The following PSMB7 variants were observed in gnomAD, a reference collection of about 807,000 sequenced individuals.
The protein encoded by PSMB7 is proteasome 20S subunit beta 7.
PSMB7 carries 5 observed loss-of-function variants against 28.1 expected under a neutral mutation model. That is an observed-to-expected ratio of 0.18 (90% confidence interval 0.09 to 0.37). PSMB7 has a LOEUF of 0.37. Among genes scored for constraint, PSMB7 ranks in the 10% least tolerant of loss-of-function variants. PSMB7 has a pLI of 1.00. For synonymous variants in PSMB7, 122 were observed against 123.7 expected (o/e 0.99, Z 0.09); for missense variants, 275 against 346.2 (o/e 0.79, Z 1.63).
In PSMB7 at chr9:124,392,176, C is replaced by T. The variant is rs537522502; in HGVS notation, c.512-7520G>A. Among the ~76,000 whole-genome samples, 5 of 152,292 alleles carry T rather than the reference C, an allele frequency of 3.3e-5. No individual in the cohort carries two copies. In the South Asian group the frequency reaches 1.0e-3, roughly 32 times the overall value. ...GCCCATGGCAAGAGTCAATGAGAAG[C>T]GGAGCCAAGCTTTAAACCTAGGTCC... On this transcript the variant is annotated intron_variant, in intron 5 of 7. Transcript: ENST00000259457.
At chr9:124,414,776 G>A in intron 2 of PSMB7, 66 bp downstream of exon 2, 1 of 1,373,772 alleles carries the variant, frequency 7.3e-7, no homozygotes, top group East Asian at 2.3e-5. Context: ...AGAGACACCG[G>A]AAGCCAAGTG....
intron 6 of PSMB7, among the ~76,000 whole-genome samples, chr9:124,372,331 G>C (rs1475973653): frequency 6.6e-6 from 1 of 152,182 alleles, no homozygotes; most frequent in Non-Finnish European, 1.5e-5. Context: ...CAGGGCAGAA[G>C]ACATGACAGA....
chr9:124,413,784 G>A, intron 3 of PSMB7, 124 bp downstream of exon 3: 1 of 626,546 alleles, frequency 1.6e-6, no homozygotes, highest in Non-Finnish European at 2.8e-6. Context: ...GGCTGGAAAT[G>A]CCATTTAAGG....
intron 5 of PSMB7, among the ~76,000 whole-genome samples, chr9:124,394,195 G>A (rs1028262595): frequency 1.3e-5 from 2 of 152,372 alleles, no homozygotes; most frequent in Non-Finnish European, 1.5e-5. Context: ...CATGCAGCCA[G>A]GAATGGCAGC....
intron 6 of PSMB7, among the ~76,000 whole-genome samples, chr9:124,370,789 G>A (rs1248356105): frequency 1.3e-5 from 2 of 152,072 alleles, no homozygotes; most frequent in East Asian, 3.8e-4. Flanking sequence ...TGCATTAGAA[G>A]GTTTACCATT....
At chr9:124,386,630 A>G (rs917392389) in intron 5 of PSMB7, among the ~76,000 whole-genome samples, 1 of 152,210 alleles carries the variant, frequency 6.6e-6, no homozygotes, top group African/African-American at 2.4e-5. Flanking sequence ...CGAAGAACAC[A>G]AGGGTAATCA....
At chr9:124,382,343 GA>G (rs10717547) in intron 6 of PSMB7, among the ~76,000 whole-genome samples, 55,308 of 149,210 alleles carry the variant, frequency 0.37, 10,408 homozygotes, top group Non-Finnish European at 0.4. Flanking sequence ...GAGTAGCTGG[GA>G]TTACAGGCGC....
At chr9:124,396,414 T>C (rs1159217910) in intron 5 of PSMB7, among the ~76,000 whole-genome samples, 1 of 152,222 alleles carries the variant, frequency 6.6e-6, no homozygotes, top group African/African-American at 2.4e-5. Flanking sequence ...CTCACTTAAT[T>C]GTAAGATTCT....
intron 6 of PSMB7, among the ~76,000 whole-genome samples, chr9:124,371,064 C>T (rs565862343): frequency 2.0e-5 from 3 of 152,296 alleles, no homozygotes; most frequent in South Asian, 2.1e-4. Flanking sequence ...TATTTCATAC[C>T]GCTGTGAAAT....
chr9:124,390,291 C>T (rs549068395), intron 5 of PSMB7, among the ~76,000 whole-genome samples: 1 of 152,220 alleles, frequency 6.6e-6, no homozygotes. Flanking sequence ...GTAGAAACAT[C>T]GATTGGAAAT....
intron 6 of PSMB7, among the ~76,000 whole-genome samples, chr9:124,378,129 T>C (rs1372645032): frequency 1.3e-5 from 2 of 152,248 alleles, no homozygotes; most frequent in African/African-American, 4.8e-5. Flanking sequence ...CCTCTCAGCT[T>C]TTGGCAGCTC....
At chr9:124,381,672 T>A (rs1447081967) in intron 6 of PSMB7, among the ~76,000 whole-genome samples, 1 of 152,218 alleles carries the variant, frequency 6.6e-6, no homozygotes, top group Non-Finnish European at 1.5e-5. Flanking sequence ...CTGCCTTTGT[T>A]GTTATGAGTT....
At chr9:124,400,369 A>C (rs1438424035) in intron 5 of PSMB7, among the ~76,000 whole-genome samples, 1 of 152,254 alleles carries the variant, frequency 6.6e-6, no homozygotes, top group Admixed American at 6.5e-5. Context: ...AACTCGTGCC[A>C]GCTTTTTGGA....
intron 6 of PSMB7, among the ~76,000 whole-genome samples, chr9:124,363,278 G>A (rs1036224780): frequency 6.6e-6 from 1 of 152,194 alleles, no homozygotes; most frequent in African/African-American, 2.4e-5. Flanking sequence ...GTCTGAACAC[G>A]ATGTGTTTGT....
At chr9:124,367,871 C>T (rs150879730) in intron 6 of PSMB7, among the ~76,000 whole-genome samples, 50 of 152,238 alleles carry the variant, frequency 3.3e-4, no homozygotes, top group African/African-American at 1.0e-3. Context: ...CTCACAAACA[C>T]GATTACCAAG....
chr9:124,414,085 T>C, intron 2 of PSMB7, 80 bp from the exon 3 acceptor site: 1 of 882,420 alleles, frequency 1.1e-6, no homozygotes, highest in Non-Finnish European at 1.8e-6. Context: ...GGGAATACTA[T>C]GTTGGCCATA....
chr9:124,414,611 T>TAA lies in PSMB7; in HGVS notation c.156+229_156+230dup, dbSNP rs11418169. Among the ~76,000 whole-genome samples the TAA allele has an allele frequency of 4.7e-3, 668 of 141,096 alleles. 4 individuals carry two copies. The highest frequency in any genetic ancestry group is 0.015 in the African/African-American group (579 of 38,334). The allele number at this position is 141,096 out of a possible 152,430, so 92.6% of individuals were successfully genotyped here. On this transcript the variant is annotated intron_variant, in intron 2 of 7. Transcript: ENST00000259457. The stretch of plus-strand genomic sequence containing the variant: ...TAATTAAGAAGCTAACTGACCTGTT[T>TAA]AAAAAAAAAAAAAAGAAAGAAAGAA...
intron 4 of PSMB7, among the ~76,000 whole-genome samples, chr9:124,409,713 C>CG (rs1365524411): frequency 6.6e-6 from 1 of 152,186 alleles, no homozygotes; most frequent in African/African-American, 2.4e-5. Flanking sequence ...CTGTCCTCCT[C>CG]AAAAGTCAGA....
intron 6 of PSMB7, among the ~76,000 whole-genome samples, chr9:124,377,498 C>A (rs555708240): frequency 7.7e-4 from 117 of 152,294 alleles, no homozygotes; most frequent in Non-Finnish European, 1.3e-3. Context: ...ACAAAAAAAA[C>A]ACACACACAG....
Sources: gnomAD v4.1 joint callset for allele counts (sites outside exome capture counted in the v4.1 genomes callset) on GRCh38, gnomAD v4.1.1 for gene constraint, MANE v1.5 for transcripts, NCBI Gene and HGNC (gene_info 2026-07-23, HGNC 2026-07-21) for gene names.